The following GPR158 variants were observed in gnomAD, a reference collection of about 807,000 sequenced individuals.
The protein encoded by GPR158 is metabotropic glycine receptor.
A neutral mutation model predicts 78.2 loss-of-function variants in GPR158; 30 were observed. The ratio of observed to expected loss-of-function variants is 0.38; its 90% confidence interval spans 0.29 to 0.52. GPR158 has a LOEUF of 0.52. Among genes scored for constraint, GPR158 ranks in the 20% least tolerant of loss-of-function variants. The pLI is 0.83. For missense variants in GPR158, 1,463 were observed against 1,523.5 expected, an observed-to-expected ratio of 0.96 and a Z score of 0.66; for synonymous variants, 581 against 591.1, an observed-to-expected ratio of 0.98 and a Z score of 0.25.
intron 3 of GPR158, among the ~76,000 whole-genome samples, chr10:25,402,484 T>C (rs1834461091): frequency 6.6e-6 from 1 of 152,132 alleles, no homozygotes; most frequent in South Asian, 2.1e-4. Flanking sequence ...TTGATAACTG[T>C]AATGTGGTTT....
At chr10:25,292,512 GCA>G (rs1189532942) in intron 2 of GPR158, among the ~76,000 whole-genome samples, 2 of 146,572 alleles carry the variant, frequency 1.4e-5, no homozygotes, top group African/African-American at 5.3e-5. Context: ...CAACCTTCCA[GCA>G]CTCTCTTTTT....
chr10:25,597,728 A>G, intron 10 of GPR158, 44 bp from the exon 11 acceptor site: 34 of 1,444,362 alleles, frequency 2.4e-5, no homozygotes, highest in Non-Finnish European at 3.0e-5. Flanking sequence ...TATGACTGGA[A>G]CACTAAATTC....
chr10:25,261,697 G>A (rs1853970657), intron 2 of GPR158, among the ~76,000 whole-genome samples: 1 of 152,106 alleles, frequency 6.6e-6, no homozygotes, highest in Non-Finnish European at 1.5e-5. Flanking sequence ...TTTGAGTAAT[G>A]CATATTTGCT....
At chr10:25,221,276 TCA>T in intron 2 of GPR158, 119 bp downstream of exon 2, 1 of 566,608 alleles carries the variant, frequency 1.8e-6, no homozygotes. Flanking sequence ...TATGTAGGTC[TCA>T]GTGCTGCCAA....
At chr10:25,506,426 C>A (rs1444923788) in intron 5 of GPR158, among the ~76,000 whole-genome samples, 1 of 152,152 alleles carries the variant, frequency 6.6e-6, no homozygotes, top group Non-Finnish European at 1.5e-5. Context: ...CTAATCTAAC[C>A]CAACAGCAGG....
At chr10:25,454,418 T>A in intron 4 of GPR158, among the ~76,000 whole-genome samples, 1 of 152,160 alleles carries the variant, frequency 6.6e-6, no homozygotes, top group East Asian at 1.9e-4. Context: ...TAAGACAGAT[T>A]AAGGCGTGGA....
At chr10:25,455,186 T>C (rs1299338546) in intron 4 of GPR158, among the ~76,000 whole-genome samples, 1 of 152,190 alleles carries the variant, frequency 6.6e-6, no homozygotes, top group Non-Finnish European at 1.5e-5. Context: ...TGCCTCTGTA[T>C]AGGTCATTCA....
chr10:25,177,263 G>T (rs1021046593), intron 1 of GPR158, among the ~76,000 whole-genome samples: 1 of 152,146 alleles, frequency 6.6e-6, no homozygotes, highest in African/African-American at 2.4e-5. Context: ...TTGAGGCGGG[G>T]AATTTCTAGA....
chr10:25,206,973 T>C (rs907551015), intron 1 of GPR158, among the ~76,000 whole-genome samples: 4 of 151,510 alleles, frequency 2.6e-5, no homozygotes, highest in African/African-American at 9.7e-5. Flanking sequence ...CTGTGTCAGT[T>C]CCCACTTTTG....
At position 25,300,292 on chromosome 10, in the gene GPR158, T is replaced by C. The variant is rs540440047; in HGVS notation, c.1008+79135T>C. On this transcript the variant is annotated intron_variant, in intron 2 of 10. Transcript: ENST00000376351. ...CGTTCCATGGCTTCTGGCTCCCTTCTTCCAGCTTCAAAGGCAGAAATTTGC... is the reference window on the plus strand; with the variant it reads ...CGTTCCATGGCTTCTGGCTCCCTTCCTCCAGCTTCAAAGGCAGAAATTTGC... Among the ~76,000 whole-genome samples, 300 of 152,316 alleles carry C rather than the reference T, an allele frequency of 2.0e-3. 2 individuals are homozygous for C. Among genetic ancestry groups the C allele is most frequent in the African/African-American group, 2.0e-3 (84 of 41,570 alleles).
chr10:25,393,366 A>G (rs1122775), intron 2 of GPR158, among the ~76,000 whole-genome samples: 98,133 of 152,028 alleles, frequency 0.65, 32,637 homozygotes, highest in Non-Finnish European at 0.73. Flanking sequence ...ATTCTAATGT[A>G]GTCTTAGTAT....
Position 25,551,028 on chromosome 10 carries a change from G to A in GPR158, c.1457G>A (p.Trp486Ter). Residue 486 changes from tryptophan (W) to a stop codon, truncating the protein, a stop_gained, in exon 6 of 11, where the codon TGG becomes TAG. Transcript: ENST00000376351. LOFTEE classifies it high-confidence loss of function. ...PSTFRCILLR[W>*]ARLLGFATVY... ...ACATTTCGCTGTATTCTCCTAAGAT[G>A]GGCTCGTCTTCTCGGTTTTGCTACT... The A allele has an allele frequency of 1.2e-6, 2 of 1,611,236 alleles. No homozygotes were observed. Among genetic ancestry groups the A allele is most frequent in the Non-Finnish European group, 1.7e-6 (2 of 1,177,602 alleles).
At chr10:25,193,338 C>T (rs546134695) in intron 1 of GPR158, among the ~76,000 whole-genome samples, 5 of 152,130 alleles carry the variant, frequency 3.3e-5, no homozygotes, top group East Asian at 1.9e-4. Flanking sequence ...CAGGAAAGAC[C>T]TATTTGAAGA....
At chr10:25,348,728 T>C (rs1855411560) in intron 2 of GPR158, among the ~76,000 whole-genome samples, 1 of 151,970 alleles carries the variant, frequency 6.6e-6, no homozygotes, top group African/African-American at 2.4e-5. Context: ...GATAAATTTT[T>C]CCCTATCAGC....
intron 5 of GPR158, among the ~76,000 whole-genome samples, chr10:25,515,056 T>C (rs192870080): frequency 6.9e-4 from 105 of 152,274 alleles, no homozygotes; most frequent in Non-Finnish European, 1.3e-3. Context: ...TTTGGATGTC[T>C]AGATCTCTAA....
chr10:25,404,822 T>C (rs1834490392), intron 3 of GPR158, among the ~76,000 whole-genome samples: 2 of 152,104 alleles, frequency 1.3e-5, no homozygotes, highest in South Asian at 4.1e-4. Context: ...CAATGGCATG[T>C]GGCTTTAGGA....
intron 2 of GPR158, among the ~76,000 whole-genome samples, chr10:25,307,373 ATTGCTTTTT>A (rs1854692911): frequency 1.8e-5 from 2 of 110,038 alleles, no homozygotes; most frequent in Admixed American, 1.1e-4. Flanking sequence ...GTGTATTTTA[ATTGCTTTTT>A]TTTTTTTTTT....
intron 6 of GPR158, among the ~76,000 whole-genome samples, chr10:25,568,917 A>T (rs1217366205): frequency 6.6e-6 from 1 of 152,172 alleles, no homozygotes; most frequent in East Asian, 1.9e-4. Context: ...CCATATAGGA[A>T]GTCCAATGAT....
At chr10:25,304,514 A>T (rs370374918) in intron 2 of GPR158, among the ~76,000 whole-genome samples, 1 of 152,124 alleles carries the variant, frequency 6.6e-6, no homozygotes, top group African/African-American at 2.4e-5. Flanking sequence ...TCTTATTTGT[A>T]AAAGAAAGAT....
Sources: allele counts gnomAD v4.1 joint callset (sites outside exome capture counted in the v4.1 genomes callset), GRCh38; gene constraint gnomAD v4.1.1; transcripts MANE v1.5; gene names NCBI Gene and HGNC (gene_info 2026-07-23, HGNC 2026-07-21).